CSMD1: variants seen among roughly 807,000 people sequenced by gnomAD.
The protein encoded by CSMD1 is CUB and sushi domain-containing protein 1.
A neutral mutation model predicts 417.5 loss-of-function variants in CSMD1; 213 were observed. The observed-to-expected ratio is 0.51, with a 90% CI of 0.46 to 0.57. The LOEUF is 0.57. CSMD1 is among the 20% of genes least tolerant of loss of function. The pLI, the probability that CSMD1 is intolerant of heterozygous loss-of-function variation, is 0.00. For synonymous variants in CSMD1, 2,862 were observed against 1,736.8 expected, an observed-to-expected ratio of 1.65 and a Z score of -16.11; for missense variants, 6,923 against 4,529.7, an observed-to-expected ratio of 1.53 and a Z score of -15.17.
At chr8:3,843,285 A>G (rs1270173533) in intron 5 of CSMD1, among the ~76,000 whole-genome samples, 2 of 152,188 alleles carry the variant, frequency 1.3e-5, no homozygotes, top group East Asian at 1.9e-4. Context: ...TTGTTTGTTA[A>G]TGAGTTTATC....
chr8:3,151,530 A>T lies in CSMD1; in HGVS notation c.5915-17T>A, dbSNP rs1001604951. On this transcript the variant is annotated splice_polypyrimidine_tract_variant and intron_variant, in intron 39 of 69. Coordinates refer to ENST00000635120, the MANE Select transcript of CSMD1 (RefSeq NM_033225.6). ...CACAGGTTGCTGTTAAGTGGACAAG[A>T]TGTCAGTCCTGCAGGTCCTCACTTT... 1.3e-6 allele frequency: 2 copies of T among 1,524,888 alleles called. No homozygotes were observed. The highest frequency in any genetic ancestry group is 1.7e-4 in the Middle Eastern group (1 of 5,938). 94.5% of individuals were successfully genotyped at this position (1,524,888 alleles called of 1,614,324 possible).
At chr8:4,793,180 G>A (rs1797786264) in intron 1 of CSMD1, among the ~76,000 whole-genome samples, 1 of 152,038 alleles carries the variant, frequency 6.6e-6, no homozygotes, top group South Asian at 2.1e-4. Context: ...TGATCATGGA[G>A]TAATTATGAG....
intron 2 of CSMD1, among the ~76,000 whole-genome samples, chr8:4,561,756 G>T (rs1160863350): frequency 6.6e-6 from 1 of 152,186 alleles, no homozygotes; most frequent in African/African-American, 2.4e-5. Context: ...TTATTATTTT[G>T]CAGACACTTT....
At chr8:4,265,327 A>T (rs1190986442) in intron 3 of CSMD1, among the ~76,000 whole-genome samples, 1 of 151,994 alleles carries the variant, frequency 6.6e-6, no homozygotes, top group Non-Finnish European at 1.5e-5. Context: ...GAAAAATTCT[A>T]TCAGCATTTT....
At chr8:4,311,910 G>A (rs1388075609) in intron 3 of CSMD1, among the ~76,000 whole-genome samples, 8 of 151,942 alleles carry the variant, frequency 5.3e-5, no homozygotes, top group African/African-American at 1.9e-4. Context: ...GAACCCCCAT[G>A]ACACTTATTT....
chr8:3,144,802 G>GGGGA (rs1171796055), intron 40 of CSMD1, among the ~76,000 whole-genome samples: 1 of 137,890 alleles, frequency 7.3e-6, no homozygotes, highest in Non-Finnish European at 1.6e-5. Flanking sequence ...CAAGGGGGGG[G>GGGGA]GGGAGGGAGG....
At position 3,418,596 on chromosome 8, in the gene CSMD1, C is replaced by G. The variant is rs145680408; in HGVS notation, c.1562-8991G>C. On this transcript the variant is annotated intron_variant, in intron 12 of 69. Coordinates refer to ENST00000635120, the MANE Select transcript of CSMD1 (RefSeq NM_033225.6). ...TTTTGAGCTGAAGATTCAGATCCAA[C>G]AATGTCCTGTGTCTCAGCTCAACAG... 1.4e-3 allele frequency among the ~76,000 whole-genome samples: 209 copies of G among 152,246 alleles called. 1 individual carries two copies. The highest frequency in any genetic ancestry group is 1.9e-3 in the Non-Finnish European group (127 of 68,018).
chr8:4,528,007 G>C lies in CSMD1; in HGVS notation c.303-107942C>G, dbSNP rs530169505. Among the ~76,000 whole-genome samples, 26 of 152,290 alleles carry C rather than the reference G, an allele frequency of 1.7e-4. No homozygotes were observed. The East Asian group carries it at 2.9e-3, about 17-fold the overall frequency. On this transcript the variant is annotated intron_variant, in intron 2 of 69. Coordinates refer to ENST00000635120, the MANE Select transcript of CSMD1 (RefSeq NM_033225.6). ...CCATGGCTCTCACTCAGAGCCCTGG[G>C]TGTGGGATCATGTCAGTGCTTTGGA...
intron 18 of CSMD1, among the ~76,000 whole-genome samples, chr8:3,370,443 C>T (rs895980729): frequency 6.6e-6 from 1 of 152,216 alleles, no homozygotes; most frequent in Non-Finnish European, 1.5e-5. Flanking sequence ...ATGTCACCAG[C>T]TCAGATCTCG....
intron 3 of CSMD1, among the ~76,000 whole-genome samples, chr8:4,146,067 G>A (rs916120450): frequency 6.6e-6 from 1 of 150,912 alleles, no homozygotes; most frequent in East Asian, 1.9e-4. Context: ...GACACTTGAG[G>A]GAGGCAATTG....
chr8:4,510,320 C>T (rs759662870), intron 2 of CSMD1, among the ~76,000 whole-genome samples: 1 of 134,594 alleles, frequency 7.4e-6, no homozygotes, highest in African/African-American at 2.8e-5. Context: ...CACACTACAA[C>T]TAAATATTTC....
intron 3 of CSMD1, among the ~76,000 whole-genome samples, chr8:4,174,961 G>C (rs912083530): frequency 6.6e-6 from 1 of 151,160 alleles, no homozygotes; most frequent in African/African-American, 2.4e-5. Context: ...TTTAAAATTA[G>C]TATTGATGGC....
chr8:3,892,715 GTTTTTT>G (rs35178951), intron 5 of CSMD1, among the ~76,000 whole-genome samples: 2,024 of 107,054 alleles, frequency 0.019, 54 homozygotes, highest in African/African-American at 0.063. Context: ...ATTTAGGCAG[GTTTTTT>G]TTTTTTTTTT....
intron 1 of CSMD1, among the ~76,000 whole-genome samples, chr8:4,703,053 G>T (rs953696367): frequency 2.0e-5 from 3 of 152,140 alleles, no homozygotes; most frequent in Non-Finnish European, 2.9e-5. Flanking sequence ...TCACAGTTTA[G>T]GGTTAAGCAA....
rs1329013963 is a variant in CSMD1 at position 3,634,887 on chromosome 8, C to G, written c.1010-18090G>C. ...CTTGCCCAATCCTAGATAGTAGAGC[C>G]TGCTGGGCTATAGGGTACAGCCGCT... On this transcript the variant is annotated intron_variant, in intron 7 of 69. Transcript: ENST00000635120. 2.0e-5 allele frequency among the ~76,000 whole-genome samples: 3 copies of G among 152,234 alleles called. No homozygotes were observed. In the South Asian group the frequency reaches 6.2e-4, roughly 32 times the overall value.
rs1165391755 is a variant in CSMD1 at position 4,916,924 on chromosome 8, G to A, written c.85+77408C>T. Among the ~76,000 whole-genome samples, 7 of 152,196 alleles carry A rather than the reference G, an allele frequency of 4.6e-5. No individual in the cohort carries two copies. The East Asian group carries it at 1.3e-3, about 29-fold the overall frequency. ...ACTGGTGATGGATACCAACATTCAT[G>A]TCAACAGGGTGTGAGACATGTCATT... is the stretch of plus-strand genomic sequence containing the variant. On this transcript the variant is annotated intron_variant, in intron 1 of 69. Coordinates refer to ENST00000635120, the MANE Select transcript of CSMD1 (RefSeq NM_033225.6).
intron 4 of CSMD1, among the ~76,000 whole-genome samples, chr8:4,030,542 GA>G (rs1797289890): frequency 6.6e-6 from 1 of 152,156 alleles, no homozygotes; most frequent in Admixed American, 6.5e-5. Context: ...ACAGCATGGG[GA>G]CCCTTGGCCC....
At chr8:4,110,447 T>C (rs1406767049) in intron 3 of CSMD1, among the ~76,000 whole-genome samples, 1 of 152,170 alleles carries the variant, frequency 6.6e-6, no homozygotes, top group Non-Finnish European at 1.5e-5. Flanking sequence ...ACTTTTCCTT[T>C]AAGCCAGATC....
intron 5 of CSMD1, among the ~76,000 whole-genome samples, chr8:3,796,592 TA>T (rs1680772472): frequency 6.8e-6 from 1 of 147,016 alleles, no homozygotes; most frequent in East Asian, 2.0e-4. Flanking sequence ...AATATATAGA[TA>T]TATATCTATA....
Sources: gnomAD v4.1 joint callset for allele counts (sites outside exome capture counted in the v4.1 genomes callset) on GRCh38, gnomAD v4.1.1 for gene constraint, MANE v1.5 for transcripts, NCBI Gene and HGNC (gene_info 2026-07-23, HGNC 2026-07-21) for gene names.